BMP1: variants seen among roughly 807,000 people sequenced by gnomAD.
BMP1 encodes the protein mammalian tolloid protein.
BMP1 carries 63 observed loss-of-function variants against 116.8 expected under a neutral mutation model. The observed-to-expected ratio is 0.54, with a 90% CI of 0.44 to 0.67. The LOEUF is 0.67. Ranked by LOEUF, BMP1 falls within the 30% of genes least tolerant of loss-of-function variation. The probability of loss-of-function intolerance (pLI) is 0.00; values close to 1 mark genes in which losing one functional copy is unlikely to be tolerated. For synonymous variants in BMP1, 536 were observed against 533.4 expected, an observed-to-expected ratio of 1.00 and a Z score of -0.07; for missense variants, 1,183 against 1,358.9, an observed-to-expected ratio of 0.87 and a Z score of 2.04.
At chr8:22,192,355 T>C (rs1828959793) in intron 9 of BMP1, 1 of 505,128 alleles carries the variant, frequency 2.0e-6, no homozygotes, top group Non-Finnish European at 3.6e-6. Flanking sequence ...GTCCTCAATC[T>C]GGACTTCAGA....
At chr8:22,192,314 C>T in intron 9 of BMP1, 163 bp downstream of exon 9, 1 of 594,610 alleles carries the variant, frequency 1.7e-6, no homozygotes, top group Non-Finnish European at 3.0e-6. Flanking sequence ...AGCTGCATTA[C>T]TCACTTGCTG....
chr8:22,211,715 A>G lies in BMP1; in HGVS notation c.2948A>G (p.His983Arg), dbSNP rs1284704574. The G allele has an allele frequency of 6.2e-7, 1 of 1,613,974 alleles. No homozygotes were observed. The highest frequency in any genetic ancestry group is 1.3e-5 in the African/African-American group (1 of 74,910). ...YTSTKFQDTLHSRK is the reference protein window; with the variant it reads ...YTSTKFQDTLRSRK ...AGCACCAAGTTCCAGGACACACTCC[A>G]CAGCAGGAAGTGACCACTGCCTGAG... The change falls in exon 20 of 20, where the codon CAC (histidine) becomes CGC (arginine). Residue 983 changes from histidine to arginine, a missense_variant. By Grantham distance (29) the His-to-Arg change is conservative. Around this residue, in one of 4 missense-constraint regions of BMP1, gnomAD observed 956 missense variants for 1,135.2 expected, o/e 0.84. Transcript: ENST00000306385.
At chr8:22,178,665 C>T (rs1434812569) in intron 6 of BMP1, among the ~76,000 whole-genome samples, 2 of 152,152 alleles carry the variant, frequency 1.3e-5, no homozygotes. Context: ...ATGCCCAGCT[C>T]CGAAGCACAT....
At chr8:22,180,977 G>A (rs1336353262) in intron 8 of BMP1, among the ~76,000 whole-genome samples, 1 of 152,210 alleles carries the variant, frequency 6.6e-6, no homozygotes, top group Non-Finnish European at 1.5e-5. Context: ...TGGGCCAGGG[G>A]CTCCTGAAGG....
intron 9 of BMP1, among the ~76,000 whole-genome samples, chr8:22,193,287 C>T (rs1395144129): frequency 2.0e-5 from 3 of 152,194 alleles, no homozygotes; most frequent in Admixed American, 2.0e-4. Context: ...TGGGGCATCC[C>T]TTGCATTTGA....
chr8:22,183,795 C>T (rs1425475287), intron 8 of BMP1, among the ~76,000 whole-genome samples: 2 of 151,994 alleles, frequency 1.3e-5, no homozygotes, highest in Non-Finnish European at 2.9e-5. Flanking sequence ...AGGCTGGTCT[C>T]GAACTCCCGA....
At chr8:22,192,356 G>A (rs1052288647) in intron 9 of BMP1, 2 of 502,706 alleles carry the variant, frequency 4.0e-6, no homozygotes, top group Admixed American at 3.3e-5. Context: ...TCCTCAATCT[G>A]GACTTCAGAG....
intron 9 of BMP1, among the ~76,000 whole-genome samples, 163 bp from the exon 10 acceptor site, chr8:22,193,895 T>G (rs1196660808): frequency 6.6e-6 from 1 of 152,224 alleles, no homozygotes; most frequent in Non-Finnish European, 1.5e-5. Flanking sequence ...AAGTTGGACC[T>G]TGGACCAGAC....
intron 8 of BMP1, among the ~76,000 whole-genome samples, chr8:22,189,497 A>G (rs1408612420): frequency 6.6e-6 from 1 of 150,494 alleles, no homozygotes; most frequent in African/African-American, 2.4e-5. Flanking sequence ...AATATAAATA[A>G]TAAAACCAAA....
chr8:22,177,358 G>A (rs1373701023), intron 5 of BMP1, among the ~76,000 whole-genome samples: 1 of 152,212 alleles, frequency 6.6e-6, no homozygotes, highest in East Asian at 1.9e-4. Context: ...CCTCTGGGAG[G>A]CTGGGCCAGG....
At chr8:22,198,838 A>C (rs2131890984) in intron 15 of BMP1, 4 of 743,402 alleles carry the variant, frequency 5.4e-6, no homozygotes, top group Non-Finnish European at 5.3e-6. Context: ...TCCTGCCCCC[A>C]ACCCCCGCTT....
intron 8 of BMP1, among the ~76,000 whole-genome samples, chr8:22,184,505 C>T (rs560638604): frequency 6.6e-6 from 1 of 152,314 alleles, no homozygotes; most frequent in South Asian, 2.1e-4. Context: ...GAAGTAAAAA[C>T]CAGCCACAGT....
intron 4 of BMP1, 149 bp from the exon 5 acceptor site, chr8:22,176,812 T>C: frequency 1.0e-6 from 1 of 983,528 alleles, no homozygotes. Flanking sequence ...GGCTGTGACC[T>C]CCAGCACACA....
chr8:22,194,192 G>A lies in BMP1; in HGVS notation c.1297+18G>A, dbSNP rs200701078. On this transcript the variant is annotated intron_variant, in intron 10 of 19. Transcript: ENST00000306385. This position sits in a 1 kb window ranked among gnomAD's most constrained non-coding sequence, Gnocchi z 4.5. ...CTACGAAGGTACTGAGGAAGGCGGC[G>A]GGCGGGAGGAGTCAGATAGGAGGTC... is the stretch of plus-strand genomic sequence containing the variant. 105 of 1,607,910 alleles carry A rather than the reference G, an allele frequency of 6.5e-5. No individual in the cohort carries two copies. The highest frequency in any genetic ancestry group is 5.1e-4 in the East Asian group (23 of 44,840).
chr8:22,209,294 G>A lies in BMP1; in HGVS notation c.2576-151G>A, dbSNP rs59066180. On this transcript the variant is annotated intron_variant, in intron 18 of 19. Coordinates refer to ENST00000306385, the MANE Select transcript of BMP1 (RefSeq NM_006129.5). ...TTTAGAGATGGGGCAGCACAGCAAT[G>A]TTCTGGGCCAGGCCCCCACCCACCC... is the stretch of plus-strand genomic sequence containing the variant. The A allele has an allele frequency of 0.052, 69,215 of 1,330,686 alleles. 2,201 individuals are homozygous for A. The highest frequency in any genetic ancestry group is 0.1 in the Admixed American group (3,830 of 37,260). 82.4% of individuals were successfully genotyped at this position (1,330,686 alleles called of 1,614,324 possible). A position where few individuals can be genotyped will look rare whatever the true frequency, so the allele number is the denominator to read the frequency against.
At chr8:22,165,878 C>CGTGGGTGTGTGTGTGGGTGTGT (rs1432185239) in intron 1 of BMP1, among the ~76,000 whole-genome samples, 1 of 67,712 alleles carries the variant, frequency 1.5e-5, no homozygotes, top group African/African-American at 4.5e-5. Context: ...AACTCCTGTG[C>CGTGGGTGTGTGTGTGGGTGTGT]GTGCGTGTGT....
intron 8 of BMP1, among the ~76,000 whole-genome samples, chr8:22,184,705 C>G (rs557176672): frequency 5.8e-4 from 88 of 152,340 alleles, no homozygotes; most frequent in African/African-American, 2.1e-3. Context: ...CTTTTACAAC[C>G]TAGGTACCAT....
chr8:22,176,053 C>A, intron 2 of BMP1, 90 bp from the exon 3 acceptor site: 1 of 1,394,430 alleles, frequency 7.2e-7, no homozygotes, highest in Non-Finnish European at 9.8e-7. Context: ...AATTTGCAAG[C>A]ACAGAATCCA....
intron 8 of BMP1, among the ~76,000 whole-genome samples, chr8:22,186,731 T>A (rs1052211488): frequency 7.2e-5 from 11 of 152,096 alleles, no homozygotes; most frequent in Non-Finnish European, 1.3e-4. Flanking sequence ...CCCTAAGTGC[T>A]GGGATTACAG....
Sources: allele counts gnomAD v4.1 joint callset (sites outside exome capture counted in the v4.1 genomes callset), GRCh38; gene constraint gnomAD v4.1.1; regional missense constraint gnomAD v4.1.1; non-coding constraint Gnocchi (gnomAD v3.1); transcripts MANE v1.5; gene names NCBI Gene and HGNC (gene_info 2026-07-23, HGNC 2026-07-21).